The following TSPAN15 variants were observed in gnomAD, a reference collection of about 807,000 sequenced individuals.
TSPAN15 encodes tetraspanin 15.
Under a neutral mutation model 34.5 loss-of-function variants are expected in TSPAN15, and 20 were observed. The observed-to-expected ratio is 0.58, with a 90% CI of 0.41 to 0.84. The LOEUF (loss-of-function observed/expected upper bound fraction) is 0.84, where lower values mean the gene tolerates loss of function less well. TSPAN15 is among the 40% of genes least tolerant of loss of function. The probability of loss-of-function intolerance (pLI) is 0.00; values close to 1 mark genes in which losing one functional copy is unlikely to be tolerated. For synonymous variants in TSPAN15, 155 were observed against 153.9 expected, an observed-to-expected ratio of 1.01 and a Z score of -0.05; for missense variants, 313 against 386.1, an observed-to-expected ratio of 0.81 and a Z score of 1.59.
At chr10:69,538,070 G>A in the TSPAN15 span, among the ~76,000 whole-genome samples, 1 of 152,116 alleles carries the variant, frequency 6.6e-6, no homozygotes, top group Non-Finnish European at 1.5e-5. Context: ...TTCTTATAAG[G>A]GCACTAATCC....
chr10:69,543,899 G>GTGTGTGTGTGTGTGTT, the TSPAN15 span, among the ~76,000 whole-genome samples: 1 of 116,034 alleles, frequency 8.6e-6, no homozygotes, highest in African/African-American at 3.3e-5. Context: ...GTGTGTGTGT[G>GTGTGTGTGTGTGTGTT]TGTAGGGAGG....
chr10:69,496,452 T>C (rs4746856), intron 4 of TSPAN15, among the ~76,000 whole-genome samples: 10,402 of 152,032 alleles, frequency 0.068, 377 homozygotes, highest in Middle Eastern at 0.1. Context: ...CTTCCTCACC[T>C]ACATAAGGGG....
At chr10:69,508,440 CAAAAAAAAAAAAAAAAAAAA>C (rs71009229), downstream of TSPAN15, among the ~76,000 whole-genome samples, 1 of 62,164 alleles carries the variant, frequency 1.6e-5, no homozygotes. Context: ...GACTCCATCT[CAAAAAAAAAAAAAAAAAAAA>C]AAAAAAAAAA....
At chr10:69,526,920 C>T in the TSPAN15 span, among the ~76,000 whole-genome samples, 2 of 146,996 alleles carry the variant, frequency 1.4e-5, 1 homozygote, top group South Asian at 4.3e-4. Flanking sequence ...CTGGCAGTTA[C>T]TCAAATGATT....
chr10:69,475,870 G>A (rs965115545), intron 1 of TSPAN15, among the ~76,000 whole-genome samples: 1 of 152,136 alleles, frequency 6.6e-6, no homozygotes, highest in African/African-American at 2.4e-5. Flanking sequence ...GGGAGGCAAT[G>A]AGAACTGTTG....
At chr10:69,545,987 A>C in the TSPAN15 span, among the ~76,000 whole-genome samples, 2 of 150,404 alleles carry the variant, frequency 1.3e-5, no homozygotes, top group Middle Eastern at 6.8e-3. Flanking sequence ...AAAGCAAAAA[A>C]CAAACAAACA....
intron 3 of TSPAN15, among the ~76,000 whole-genome samples, chr10:69,488,511 A>G (rs562243628): frequency 4.6e-5 from 7 of 152,332 alleles, no homozygotes; most frequent in African/African-American, 1.7e-4. Flanking sequence ...GTCATTAGGT[A>G]TTGGGGGAAC....
the TSPAN15 span, among the ~76,000 whole-genome samples, chr10:69,549,386 A>G: frequency 1.3e-5 from 2 of 152,256 alleles, no homozygotes; most frequent in Middle Eastern, 3.4e-3. Flanking sequence ...CTCCTTCCCT[A>G]TGGTATATAA....
At chr10:69,513,290 G>A in the TSPAN15 span, among the ~76,000 whole-genome samples, 1 of 152,112 alleles carries the variant, frequency 6.6e-6, no homozygotes, top group Non-Finnish European at 1.5e-5. Flanking sequence ...ATTGAATTTT[G>A]ACAACTCTTT....
intron 1 of TSPAN15, among the ~76,000 whole-genome samples, chr10:69,464,853 C>T (rs954914909): frequency 1.3e-5 from 2 of 152,240 alleles, no homozygotes; most frequent in Non-Finnish European, 2.9e-5. Flanking sequence ...ATGGACACTA[C>T]TCAGTGGTTT....
Position 69,494,284 on chromosome 10 carries a change from G to A in TSPAN15, c.358-1310G>A, listed in dbSNP as rs150962858. On this transcript the variant is annotated intron_variant, in intron 3 of 7. Coordinates refer to ENST00000373290, the MANE Select transcript of TSPAN15 (RefSeq NM_012339.5). ...GATTTGTTTTCCACCAATGACGTGG[G>A]TGTGAAGTAGTACCATAGAGTATTT... Among the ~76,000 whole-genome samples, 450 of 152,326 alleles carry A rather than the reference G, an allele frequency of 3.0e-3. 2 individuals are homozygous for A. The highest frequency in any genetic ancestry group is 0.01 in the African/African-American group (416 of 41,578).
At chr10:69,549,293 C>T in the TSPAN15 span, among the ~76,000 whole-genome samples, 26 of 152,296 alleles carry the variant, frequency 1.7e-4, no homozygotes, top group Admixed American at 1.6e-3. Flanking sequence ...TCAAAACAAC[C>T]TTGATAATAA....
chr10:69,519,700 G>A, the TSPAN15 span, among the ~76,000 whole-genome samples: 1 of 151,984 alleles, frequency 6.6e-6, no homozygotes, highest in Non-Finnish European at 1.5e-5. Flanking sequence ...TTTTTATTGT[G>A]CTAAATATAT....
At chr10:69,495,741 C>T (rs760655535) in intron 4 of TSPAN15, 52 bp downstream of exon 4, 3 of 1,268,922 alleles carry the variant, frequency 2.4e-6, no homozygotes, top group Non-Finnish European at 2.3e-6. Flanking sequence ...CTTAGCCCCC[C>T]ATTCAGGCCC....
At chr10:69,498,617 G>A (rs1842140402) in intron 5 of TSPAN15, among the ~76,000 whole-genome samples, 1 of 152,138 alleles carries the variant, frequency 6.6e-6, no homozygotes, top group South Asian at 2.1e-4. Context: ...TAGTGGTGTT[G>A]GTTAAAATCT....
the TSPAN15 span, among the ~76,000 whole-genome samples, chr10:69,539,216 A>G: frequency 6.6e-6 from 1 of 151,988 alleles, no homozygotes; most frequent in Non-Finnish European, 1.5e-5. Flanking sequence ...ACAAAGGCAT[A>G]AGAATGATAT....
chr10:69,496,364 A>G (rs1842085100), intron 4 of TSPAN15, among the ~76,000 whole-genome samples: 1 of 132,840 alleles, frequency 7.5e-6, no homozygotes, highest in South Asian at 2.5e-4. Flanking sequence ...AATAATAATA[A>G]TAATAATGGC....
At chr10:69,471,521 T>C (rs1841504896) in intron 1 of TSPAN15, among the ~76,000 whole-genome samples, 1 of 152,054 alleles carries the variant, frequency 6.6e-6, no homozygotes, top group African/African-American at 2.4e-5. Context: ...AAATGCTATT[T>C]AACATATAAA....
the TSPAN15 span, among the ~76,000 whole-genome samples, chr10:69,548,335 G>A: frequency 6.6e-6 from 1 of 152,190 alleles, no homozygotes; most frequent in African/African-American, 2.4e-5. Context: ...TATTGTACAG[G>A]AGCTGCATAG....
Sources: allele counts gnomAD v4.1 joint callset (sites outside exome capture counted in the v4.1 genomes callset), GRCh38; gene constraint gnomAD v4.1.1; transcripts MANE v1.5; gene names NCBI Gene and HGNC (gene_info 2026-07-23, HGNC 2026-07-21).